POLR3A: variants seen among roughly 807,000 people sequenced by gnomAD.
POLR3A encodes RNA polymerase III subunit A, also known as DNA-directed RNA polymerase III subunit RPC1.
Under a neutral mutation model 152.8 loss-of-function variants are expected in POLR3A, and 112 were observed. The observed-to-expected ratio is 0.73, with a 90% CI of 0.63 to 0.86. The LOEUF (loss-of-function observed/expected upper bound fraction) is 0.86. Among genes scored for constraint, POLR3A ranks in the 40% least tolerant of loss-of-function variants. The pLI is 0.00. For synonymous variants in POLR3A, 615 were observed against 652.1 expected (o/e 0.94, Z 0.87); for missense variants, 1,385 against 1,743.1 (o/e 0.79, Z 3.66).
intron 24 of POLR3A, 83 bp downstream of exon 24, chr10:77,985,087 C>T: frequency 5.4e-6 from 6 of 1,111,530 alleles, no homozygotes; most frequent in Non-Finnish European, 6.9e-6. Context: ...GGATATCACA[C>T]ATATGCATGT....
intron 16 of POLR3A, among the ~76,000 whole-genome samples, chr10:78,003,099 C>T (rs143623640): frequency 1.2e-4 from 18 of 152,192 alleles, no homozygotes; most frequent in African/African-American, 3.6e-4. Context: ...AAGAATATTC[C>T]GGCTCATGAG....
intron 11 of POLR3A, among the ~76,000 whole-genome samples, chr10:78,011,590 C>G (rs148129836): frequency 0.01 from 1,553 of 152,274 alleles, 36 homozygotes; most frequent in African/African-American, 0.036. Flanking sequence ...AGCTATTTAG[C>G]CAGATGTGCC....
intron 18 of POLR3A, 145 bp downstream of exon 18, chr10:78,000,831 T>C (rs560924784): frequency 1.6e-5 from 10 of 626,492 alleles, no homozygotes; most frequent in Middle Eastern, 3.3e-4. Context: ...GCCTGAAGTG[T>C]ATCTTAATAA....
chr10:78,010,151 A>G (rs1342153955), intron 12 of POLR3A, among the ~76,000 whole-genome samples, 160 bp from the exon 13 acceptor site: 1 of 152,216 alleles, frequency 6.6e-6, no homozygotes, highest in Admixed American at 6.5e-5. Context: ...CTACCTCCAC[A>G]GGAACGTGAC....
intron 19 of POLR3A, among the ~76,000 whole-genome samples, chr10:77,996,688 A>G (rs1193269573): frequency 1.3e-5 from 2 of 152,110 alleles, no homozygotes; most frequent in Non-Finnish European, 2.9e-5. Context: ...CCAACCAAAA[A>G]AAGTCCAGGA....
At chr10:77,998,020 T>C (rs1289119469) in intron 19 of POLR3A, among the ~76,000 whole-genome samples, 1 of 152,126 alleles carries the variant, frequency 6.6e-6, no homozygotes, top group Non-Finnish European at 1.5e-5. Flanking sequence ...CTATCTGATC[T>C]TTGACAAACC....
At chr10:78,017,219 G>C (rs1257827939) in intron 10 of POLR3A, among the ~76,000 whole-genome samples, 2 of 151,988 alleles carry the variant, frequency 1.3e-5, no homozygotes, top group African/African-American at 2.4e-5. Flanking sequence ...GAGCCCAAGA[G>C]TTCCAGACTA....
chr10:77,997,810 G>A (rs1340752343), intron 19 of POLR3A, among the ~76,000 whole-genome samples: 1 of 151,290 alleles, frequency 6.6e-6, no homozygotes, highest in East Asian at 1.9e-4. Flanking sequence ...CTACTTTAAA[G>A]TTCATATGGA....
chr10:77,981,403 G>GA, intron 29 of POLR3A, 25 bp downstream of exon 29: 1 of 1,612,454 alleles, frequency 6.2e-7, no homozygotes, highest in South Asian at 1.1e-5. Flanking sequence ...TGCCCAGGCA[G>GA]CCCGGGGGCC....
At position 77,985,289 on chromosome 10, in the gene POLR3A, A is replaced by G; in HGVS notation, c.3123T>C (p.Ile1041=). The G allele has an allele frequency of 6.2e-7, 1 of 1,614,034 alleles. No individual in the cohort carries two copies. Among genetic ancestry groups the G allele is most frequent in the Non-Finnish European group, 8.5e-7 (1 of 1,179,880 alleles). Residue 1041 remains isoleucine, a synonymous_variant, in exon 24 of 31, where the codon ATT becomes ATC. Coordinates refer to ENST00000372371, the MANE Select transcript of POLR3A (RefSeq NM_007055.4). ...GGGTCATCTGGGTGCCTGGCTCACC[A>G]ATGCTCTGGGCACACAGAGCACCCA... ...SAVGALCAQS[I]GEPGTQMTLK...
Position 78,010,556 on chromosome 10 carries a change from G to A in POLR3A, c.1573-16C>T, listed in dbSNP as rs1408065898. ...TTGCTTTAGTCTGTAGGAAAAGTAAGCGCAGTCAGTTAGCTGTTCTCGGAT... is the reference window on the plus strand; with the variant it reads ...TTGCTTTAGTCTGTAGGAAAAGTAAACGCAGTCAGTTAGCTGTTCTCGGAT... On this transcript the variant is annotated splice_polypyrimidine_tract_variant and intron_variant, in intron 11 of 30. Coordinates refer to ENST00000372371, the MANE Select transcript of POLR3A (RefSeq NM_007055.4). 1.9e-6 allele frequency: 3 copies of A among 1,605,802 alleles called. No homozygotes were observed. The highest frequency in any genetic ancestry group is 1.1e-5 in the South Asian group (1 of 90,946).
intron 19 of POLR3A, among the ~76,000 whole-genome samples, chr10:77,993,625 C>G (rs1036353900): frequency 5.3e-5 from 8 of 152,162 alleles, no homozygotes; most frequent in African/African-American, 1.9e-4. Flanking sequence ...CAATTTAAAC[C>G]GCATCACCCA....
chr10:78,004,696 A>G lies in POLR3A; in HGVS notation c.2247+20T>C, dbSNP rs778272726. ...CTGTGCACGGCAAGTGGCGACCCTG[A>G]ACCAAAGGGCCGGGCTCACCTCCAG... On this transcript the variant is annotated intron_variant, in intron 16 of 30. Coordinates refer to ENST00000372371, the MANE Select transcript of POLR3A (RefSeq NM_007055.4). 115 of 1,606,710 alleles carry G rather than the reference A, an allele frequency of 7.2e-5. 2 individuals are homozygous for G. Among genetic ancestry groups the G allele is most frequent in the Non-Finnish European group, 5.8e-5 (68 of 1,176,938 alleles).
intron 19 of POLR3A, among the ~76,000 whole-genome samples, chr10:77,993,813 G>T (rs939061523): frequency 5.3e-5 from 8 of 152,170 alleles, no homozygotes; most frequent in Non-Finnish European, 8.8e-5. Flanking sequence ...GACAGAGGGG[G>T]AAGAAGAGAG....
intron 21 of POLR3A, among the ~76,000 whole-genome samples, chr10:77,989,030 A>G (rs750283135): frequency 6.6e-6 from 1 of 151,718 alleles, no homozygotes; most frequent in Admixed American, 6.6e-5. Flanking sequence ...TTTCACCCCA[A>G]TGGACACATT....
intron 21 of POLR3A, among the ~76,000 whole-genome samples, chr10:77,988,693 C>T (rs1336547883): frequency 6.6e-6 from 1 of 152,116 alleles, no homozygotes; most frequent in African/African-American, 2.4e-5. Context: ...TCTGGCATGG[C>T]TCTAACAGAA....
At chr10:78,025,512 AG>A in intron 3 of POLR3A, 109 bp downstream of exon 3, 6 of 1,007,808 alleles carry the variant, frequency 6.0e-6, no homozygotes, top group Non-Finnish European at 9.5e-6. Flanking sequence ...TTAGTATAAA[AG>A]AGTCCCCTAG....
In POLR3A at chr10:78,000,061, CAGTT is replaced by C. The variant is rs1174118995; in HGVS notation, c.2532_2535del (p.Thr845SerfsTer13). On this transcript the variant is annotated frameshift_variant, in exon 19 of 31. Coordinates refer to ENST00000372371, the MANE Select transcript of POLR3A (RefSeq NM_007055.4). LOFTEE classifies it high-confidence loss of function. ...CCGGCCATTGTGTGGAAGAAAAACT[CAGTT>C]GGTGTCAAACCGGAATAAAAGCTAT... 3 of 1,613,878 alleles carry C rather than the reference CAGTT, an allele frequency of 1.9e-6. No individual in the cohort carries two copies. The highest frequency in any genetic ancestry group is 2.5e-6 in the Non-Finnish European group (3 of 1,179,914).
chr10:78,007,562 AT>A, intron 15 of POLR3A, 139 bp downstream of exon 15: 1 of 724,454 alleles, frequency 1.4e-6, no homozygotes. Context: ...AGCACACATG[AT>A]TTAGCCTGGA....
Sources: gnomAD v4.1 joint callset for allele counts (sites outside exome capture counted in the v4.1 genomes callset) on GRCh38, gnomAD v4.1.1 for gene constraint, MANE v1.5 for transcripts, NCBI Gene and HGNC (gene_info 2026-07-23, HGNC 2026-07-21) for gene names.